Variants in NLGN1 observed in about 807,000 individuals in gnomAD.
NLGN1 encodes the protein neuroligin 1, also known as neuroligin-1.
Under a neutral mutation model 65.5 loss-of-function variants are expected in NLGN1, and 12 were observed. That is an observed-to-expected ratio of 0.18 (90% CI 0.12 to 0.30). The LOEUF is 0.30. NLGN1 is among the 10% of genes least tolerant of loss of function. The probability of loss-of-function intolerance (pLI) is 1.00; values close to 1 mark genes in which losing one functional copy is unlikely to be tolerated. For synonymous variants in NLGN1, 350 were observed against 359.5 expected (o/e 0.97, Z 0.30); for missense variants, 750 against 1,007.1 (o/e 0.74, Z 3.46).
At chr3:174,080,343 A>G (rs934949240) in intron 4 of NLGN1, among the ~76,000 whole-genome samples, 6 of 152,230 alleles carry the variant, frequency 3.9e-5, no homozygotes, top group Admixed American at 2.6e-4. Context: ...GGAGAGACTG[A>G]GACAAATTTT....
intron 4 of NLGN1, among the ~76,000 whole-genome samples, chr3:173,914,544 C>G (rs1481575171): frequency 7.2e-6 from 1 of 138,848 alleles, no homozygotes; most frequent in Non-Finnish European, 1.6e-5. Flanking sequence ...CATACACACA[C>G]ACACACACAC....
intron 3 of NLGN1, among the ~76,000 whole-genome samples, chr3:173,741,341 C>T (rs148277189): frequency 9.9e-5 from 15 of 152,110 alleles, no homozygotes; most frequent in South Asian, 2.1e-4. Context: ...ATAGACTTAA[C>T]GCCCAGGAAA....
At chr3:174,253,278 TTACAG>T (rs1371713351) in intron 4 of NLGN1, among the ~76,000 whole-genome samples, 6 of 152,306 alleles carry the variant, frequency 3.9e-5, no homozygotes, top group South Asian at 2.1e-4. Context: ...GACTCACTCT[TTACAG>T]TAAAGTGCTG....
At chr3:174,080,634 C>A (rs1182930667) in intron 4 of NLGN1, among the ~76,000 whole-genome samples, 1 of 152,032 alleles carries the variant, frequency 6.6e-6, no homozygotes. Flanking sequence ...TCTTCCCTTA[C>A]CAGTCGTTCC....
At chr3:173,692,270 T>C (rs1310524340) in intron 3 of NLGN1, among the ~76,000 whole-genome samples, 1 of 152,116 alleles carries the variant, frequency 6.6e-6, no homozygotes, top group East Asian at 1.9e-4. Flanking sequence ...CGCTTACTTA[T>C]GTAGTCACCG....
At chr3:173,467,024 A>G (rs954093018) in intron 2 of NLGN1, among the ~76,000 whole-genome samples, 1 of 152,172 alleles carries the variant, frequency 6.6e-6, no homozygotes, top group Non-Finnish European at 1.5e-5. Context: ...AACATTTGAA[A>G]ATAAACACAT....
intron 4 of NLGN1, among the ~76,000 whole-genome samples, chr3:173,999,660 G>A (rs539222698): frequency 1.3e-5 from 2 of 152,184 alleles, no homozygotes; most frequent in Non-Finnish European, 2.9e-5. Flanking sequence ...TCATTTGCCT[G>A]CAGGAACAAT....
At chr3:173,808,452 A>G (rs1717143168) in intron 4 of NLGN1, among the ~76,000 whole-genome samples, 1 of 152,182 alleles carries the variant, frequency 6.6e-6, no homozygotes, top group African/African-American at 2.4e-5. Flanking sequence ...TTTAGCTTTG[A>G]TAAAAAGTAT....
chr3:174,259,099 T>C (rs557698643), intron 4 of NLGN1, among the ~76,000 whole-genome samples: 84 of 152,226 alleles, frequency 5.5e-4, no homozygotes, highest in African/African-American at 1.8e-3. Flanking sequence ...TAGGGGGACA[T>C]TTATCCTCTC....
intron 4 of NLGN1, among the ~76,000 whole-genome samples, chr3:173,820,694 A>C (rs1214238510): frequency 6.6e-6 from 1 of 152,206 alleles, no homozygotes; most frequent in African/African-American, 2.4e-5. Flanking sequence ...TCTTTGTCTG[A>C]AAATATCCTA....
intron 4 of NLGN1, among the ~76,000 whole-genome samples, chr3:173,898,839 G>A (rs1736814161): frequency 6.6e-6 from 1 of 151,958 alleles, no homozygotes; most frequent in African/African-American, 2.4e-5. Flanking sequence ...AAACTACATT[G>A]GATTAAAGCT....
chr3:174,266,499 A>C (rs931663493), intron 4 of NLGN1, among the ~76,000 whole-genome samples: 2 of 152,138 alleles, frequency 1.3e-5, no homozygotes, highest in South Asian at 2.1e-4. Flanking sequence ...TGCTATTGTG[A>C]ATAGTGCTGC....
rs572717127 is a variant in NLGN1 at position 174,031,575 on chromosome 3, C to CA, written c.646+223749dup. On this transcript the variant is annotated intron_variant, in intron 4 of 6. Coordinates refer to ENST00000457714, the Ensembl canonical transcript of NLGN1. ...GTAAAAGATTATAATGGCTCCAAAA[C>CA]AAAAAAGCTGTATGGCATAAAAAAG... is the stretch of plus-strand genomic sequence containing the variant. Among the ~76,000 whole-genome samples, 399 of 151,990 alleles carry CA rather than the reference C, an allele frequency of 2.6e-3. 2 individuals are homozygous for CA. The highest frequency in any genetic ancestry group is 9.3e-3 in the African/African-American group (384 of 41,480).
intron 2 of NLGN1, among the ~76,000 whole-genome samples, chr3:173,539,330 A>T (rs1738016925): frequency 6.6e-6 from 1 of 150,720 alleles, no homozygotes; most frequent in South Asian, 2.1e-4. Context: ...CTCTTTATGC[A>T]ACTCACTTGT....
chr3:174,274,064 A>C (rs1282241558), intron 4 of NLGN1, among the ~76,000 whole-genome samples: 1 of 151,250 alleles, frequency 6.6e-6, no homozygotes, highest in African/African-American at 2.4e-5. Context: ...AATTTCTATA[A>C]GTCTCCAATA....
intron 3 of NLGN1, among the ~76,000 whole-genome samples, chr3:173,784,852 A>T (rs753717129): frequency 6.6e-6 from 1 of 152,242 alleles, no homozygotes; most frequent in African/African-American, 2.4e-5. Context: ...ATAGCAAGTC[A>T]CGCAAATAAG....
At chr3:174,163,514 G>A (rs1726951047) in intron 4 of NLGN1, among the ~76,000 whole-genome samples, 1 of 151,870 alleles carries the variant, frequency 6.6e-6, no homozygotes, top group Admixed American at 6.6e-5. Flanking sequence ...TAGGTTTAGA[G>A]CATGAGTGAT....
At chr3:173,535,842 C>T (rs900549920) in intron 2 of NLGN1, among the ~76,000 whole-genome samples, 1 of 152,146 alleles carries the variant, frequency 6.6e-6, no homozygotes, top group Non-Finnish European at 1.5e-5. Context: ...AAATAAGGCA[C>T]ATGATTTAAA....
chr3:174,101,046 G>A (rs1712332649), intron 4 of NLGN1, among the ~76,000 whole-genome samples: 1 of 152,054 alleles, frequency 6.6e-6, no homozygotes, highest in South Asian at 2.1e-4. Context: ...TCTGCCTTCT[G>A]TCAACTATGT....
Sources: allele counts gnomAD v4.1 joint callset (sites outside exome capture counted in the v4.1 genomes callset), GRCh38; gene constraint gnomAD v4.1.1; transcripts MANE v1.5; gene names NCBI Gene and HGNC (gene_info 2026-07-23, HGNC 2026-07-21).